The following GREB1L variants were observed in gnomAD, a reference collection of about 807,000 sequenced individuals.
The protein encoded by GREB1L is GREB1-like protein.
In GREB1L, 17 loss-of-function variants were observed where a neutral mutation model predicts 200.8. The observed-to-expected ratio is 0.08, with a 90% confidence interval of 0.06 to 0.13. The LOEUF is 0.13. GREB1L is among the 10% of genes least tolerant of loss of function. The probability of loss-of-function intolerance (pLI) is 1.00; values close to 1 mark genes in which losing one functional copy is unlikely to be tolerated. For missense variants in GREB1L, 1,657 were observed against 2,367.7 expected (o/e 0.70, Z 6.23); for synonymous variants, 789 against 893.0 (o/e 0.88, Z 2.08).
chr18:21,333,852 T>G (rs940703522), intron 1 of GREB1L, among the ~76,000 whole-genome samples: 10 of 151,508 alleles, frequency 6.6e-5, no homozygotes, highest in African/African-American at 2.4e-4. Flanking sequence ...AGTAATGGCA[T>G]GTACCTGTAG....
Position 21,485,724 on chromosome 18 carries a change from T to C in GREB1L, c.2661T>C (p.Phe887=), listed in dbSNP as rs2036102708. The C allele has an allele frequency of 6.4e-7, 1 of 1,551,398 alleles. No individual in the cohort carries two copies. Among genetic ancestry groups the C allele is most frequent in the Non-Finnish European group, 8.7e-7 (1 of 1,146,886 alleles). Residue 887 remains phenylalanine, a synonymous_variant, in exon 18 of 33, where the codon TTT becomes TTC. Coordinates refer to ENST00000424526, the MANE Select transcript of GREB1L (RefSeq NM_001142966.3). ...CACTTCTGAGATGTGACGAGACTTT[T>C]GAAAAAATGGTGAACACACTCTTGG... ...TSPLLRCDET[F]EKMVNTLLER... is the part of the protein sequence containing the mutation.
At chr18:21,344,539 G>C (rs773673956) in intron 1 of GREB1L, among the ~76,000 whole-genome samples, 1 of 152,204 alleles carries the variant, frequency 6.6e-6, no homozygotes, top group Non-Finnish European at 1.5e-5. Context: ...CTCCTGCAAA[G>C]GTGTTGAAAC....
intron 1 of GREB1L, among the ~76,000 whole-genome samples, chr18:21,315,683 A>G (rs772139379): frequency 5.3e-5 from 8 of 152,112 alleles, no homozygotes; most frequent in Non-Finnish European, 1.2e-4. Context: ...ATATGTCTAA[A>G]TATTTTAAAG....
chr18:21,459,279 CTTTTT>C (rs746568414), intron 15 of GREB1L, among the ~76,000 whole-genome samples: 8 of 85,918 alleles, frequency 9.3e-5, no homozygotes, highest in African/African-American at 2.0e-4. Context: ...TTTTTCTTTA[CTTTTT>C]TTTTTTTTTT....
At chr18:21,290,592 G>A (rs1381077340) in intron 1 of GREB1L, among the ~76,000 whole-genome samples, 1 of 152,186 alleles carries the variant, frequency 6.6e-6, no homozygotes, top group Non-Finnish European at 1.5e-5. Flanking sequence ...AGAGGCTGAG[G>A]CAGGTGGATC....
chr18:21,343,100 C>T (rs1323591701), intron 1 of GREB1L, among the ~76,000 whole-genome samples: 2 of 151,662 alleles, frequency 1.3e-5, no homozygotes, highest in Non-Finnish European at 2.9e-5. Context: ...CATTTAGTAC[C>T]TAAGTCATGG....
At chr18:21,470,237 GT>G (rs1487327475) in intron 15 of GREB1L, among the ~76,000 whole-genome samples, 1 of 152,150 alleles carries the variant, frequency 6.6e-6, no homozygotes, top group Non-Finnish European at 1.5e-5. Flanking sequence ...ACAGTGAGAT[GT>G]GATCACACGA....
At chr18:21,475,513 A>C (rs999035185) in intron 16 of GREB1L, among the ~76,000 whole-genome samples, 82 of 151,992 alleles carry the variant, frequency 5.4e-4, no homozygotes, top group Non-Finnish European at 5.9e-5. Flanking sequence ...CGCCCGCCAC[A>C]CGTCTGGCTA....
intron 27 of GREB1L, among the ~76,000 whole-genome samples, chr18:21,512,252 A>G (rs906494023): frequency 3.3e-5 from 5 of 152,224 alleles, no homozygotes; most frequent in Non-Finnish European, 5.9e-5. Flanking sequence ...TAGGGACTGC[A>G]TTAAGGCTAT....
intron 7 of GREB1L, 44 bp from the exon 8 acceptor site, chr18:21,439,477 C>T (rs1186878385): frequency 4.2e-6 from 5 of 1,191,336 alleles, no homozygotes; most frequent in African/African-American, 3.0e-5. Flanking sequence ...AGCAGTGCCC[C>T]GCCCAGCCTC....
Position 21,499,943 on chromosome 18 carries a change from A to G in GREB1L, c.3606A>G (p.Ser1202=), listed in dbSNP as rs761692514. 42 of 1,550,536 alleles carry G rather than the reference A, an allele frequency of 2.7e-5. No individual in the cohort carries two copies. Among genetic ancestry groups the G allele is most frequent in the East Asian group, 1.5e-4 (6 of 40,890 alleles). ...QMASSTTSKP[S]SSSSGPRTLP... is the part of the protein sequence containing the mutation. ...CGAGCAGCACCACCTCCAAGCCGTC[A>G]TCATCATCCTCAGGACCCAGGACCC... The change falls in exon 22 of 33, where the codon TCA becomes TCG. Residue 1202 remains serine (S), a synonymous_variant. Transcript: ENST00000424526.
At chr18:21,374,974 C>T (rs1039161901) in intron 2 of GREB1L, among the ~76,000 whole-genome samples, 4 of 151,616 alleles carry the variant, frequency 2.6e-5, no homozygotes, top group African/African-American at 9.7e-5. Flanking sequence ...ACCTCAGCCT[C>T]CCAAGTAGCT....
intron 4 of GREB1L, among the ~76,000 whole-genome samples, chr18:21,388,194 A>G (rs2040623301): frequency 6.6e-6 from 1 of 152,150 alleles, no homozygotes; most frequent in African/African-American, 2.4e-5. Context: ...CTTCTTAATT[A>G]AATTGCCTGT....
intron 7 of GREB1L, among the ~76,000 whole-genome samples, chr18:21,427,172 G>T (rs1264535193): frequency 6.6e-6 from 1 of 151,962 alleles, no homozygotes; most frequent in Non-Finnish European, 1.5e-5. Context: ...GAAGATGGGC[G>T]TCTTTACATT....
At chr18:21,295,923 A>T (rs2038519871) in intron 1 of GREB1L, among the ~76,000 whole-genome samples, 1 of 152,236 alleles carries the variant, frequency 6.6e-6, no homozygotes, top group Admixed American at 6.5e-5. Context: ...AAAGTCAAAA[A>T]ACAATGGATG....
At chr18:21,458,880 G>A (rs1038024701) in intron 15 of GREB1L, among the ~76,000 whole-genome samples, 4 of 151,878 alleles carry the variant, frequency 2.6e-5, no homozygotes, top group South Asian at 2.1e-4. Context: ...ATTCTAATTC[G>A]GAGGACCCCG....
chr18:21,525,326 G>T lies in GREB1L; in HGVS notation c.*2505G>T, dbSNP rs2037666844. 1 of 152,052 alleles carries T rather than the reference G, an allele frequency of 6.6e-6. No homozygotes were observed. The highest frequency in any genetic ancestry group is 1.5e-5 in the Non-Finnish European group (1 of 68,014). 9.4% of individuals were successfully genotyped at this position (152,052 alleles called of 1,614,324 possible). On this transcript the variant is annotated 3_prime_UTR_variant, in exon 33 of 33. Coordinates refer to ENST00000424526, the MANE Select transcript of GREB1L (RefSeq NM_001142966.3). ...ATTTCACTAGTCTACCTCACATTTTGTTAATGATTCAAAATTGTCTTGTGT... is the reference window on the plus strand; with the variant it reads ...ATTTCACTAGTCTACCTCACATTTTTTTAATGATTCAAAATTGTCTTGTGT...
At chr18:21,389,288 T>C (rs905494008) in intron 4 of GREB1L, among the ~76,000 whole-genome samples, 6 of 151,938 alleles carry the variant, frequency 3.9e-5, no homozygotes, top group African/African-American at 1.2e-4. Context: ...GGGATCTCAG[T>C]TGGTTCTCGT....
At chr18:21,322,982 C>T (rs528385382) in intron 1 of GREB1L, among the ~76,000 whole-genome samples, 3 of 151,854 alleles carry the variant, frequency 2.0e-5, no homozygotes, top group African/African-American at 4.8e-5. Flanking sequence ...AAGTTCAATA[C>T]ATAGAAATAA....
Sources: gnomAD v4.1 joint callset for allele counts (sites outside exome capture counted in the v4.1 genomes callset) on GRCh38, gnomAD v4.1.1 for gene constraint, MANE v1.5 for transcripts, NCBI Gene and HGNC (gene_info 2026-07-23, HGNC 2026-07-21) for gene names.